COMMD1: variants seen among roughly 807,000 people sequenced by gnomAD.
COMMD1 encodes the protein copper metabolism domain containing 1.
Under a neutral mutation model 17.2 loss-of-function variants are expected in COMMD1, and 10 were observed. The ratio of observed to expected loss-of-function variants is 0.58; its 90% CI spans 0.36 to 0.99. The LOEUF (loss-of-function observed/expected upper bound fraction) is 0.99, where lower values mean the gene tolerates loss of function less well. COMMD1 is among the 50% of genes least tolerant of loss of function. COMMD1 has a pLI of 0.01. For synonymous variants in COMMD1, 97 were observed against 91.6 expected, an observed-to-expected ratio of 1.06 and a Z score of -0.34; for missense variants, 270 against 231.8, an observed-to-expected ratio of 1.17 and a Z score of -1.07.
rs145248760 is a variant in COMMD1, at chr2:62,094,186, G to A, written c.463-41645G>A. ...TTCACCTGGAAGGGGGAGCCGGGTA[G>A]CAGGGTCAAGAGTGTTACAGTGCTT... On this transcript the variant is annotated intron_variant, in intron 2 of 2. Transcript: ENST00000311832. 2.4e-4 allele frequency among the ~76,000 whole-genome samples: 37 copies of A among 152,290 alleles called. 1 individual carries two copies. Among genetic ancestry groups the A allele is most frequent in the African/African-American group, 8.9e-4 (37 of 41,548 alleles).
intron 2 of COMMD1, among the ~76,000 whole-genome samples, chr2:62,076,113 ACT>A (rs1353735643): frequency 2.0e-5 from 3 of 152,132 alleles, no homozygotes; most frequent in Non-Finnish European, 2.9e-5. Context: ...ATTTTCTCTG[ACT>A]CTGCCTGACT....
intron 1 of COMMD1, among the ~76,000 whole-genome samples, chr2:61,966,024 C>T (rs1180879716): frequency 6.6e-6 from 1 of 152,152 alleles, no homozygotes; most frequent in East Asian, 1.9e-4. Context: ...TGAGCACAGT[C>T]ATTTTCTATA....
chr2:62,038,217 G>A (rs993457086), intron 2 of COMMD1, among the ~76,000 whole-genome samples: 1 of 152,156 alleles, frequency 6.6e-6, no homozygotes, highest in Admixed American at 6.5e-5. Flanking sequence ...GAATCCAGGA[G>A]GCGGAGGTTG....
Position 62,001,773 on chromosome 2 carries a change from G to A in COMMD1, c.462+791G>A, listed in dbSNP as rs189676507. Among the ~76,000 whole-genome samples, 4 of 152,296 alleles carry A rather than the reference G, an allele frequency of 2.6e-5. No individual in the cohort carries two copies. In the East Asian group the frequency reaches 7.7e-4, roughly 29 times the overall value. On this transcript the variant is annotated intron_variant, in intron 2 of 2. Coordinates refer to ENST00000311832, the MANE Select transcript of COMMD1 (RefSeq NM_152516.4). Reference sequence around the variant, plus strand: ...TTATTTCTTACTTGATGAGCTGTCAGATTTTCTTACATATTTTCTTTTATA... The same window carrying A: ...TTATTTCTTACTTGATGAGCTGTCAAATTTTCTTACATATTTTCTTTTATA...
chr2:62,110,091 CG>C (rs933086840), intron 2 of COMMD1, among the ~76,000 whole-genome samples: 13 of 151,590 alleles, frequency 8.6e-5, no homozygotes, highest in South Asian at 2.1e-4. Flanking sequence ...CCTTTTCTGG[CG>C]GGGGTGGGAG....
chr2:62,110,981 G>A (rs1672440969), intron 2 of COMMD1, among the ~76,000 whole-genome samples: 1 of 152,088 alleles, frequency 6.6e-6, no homozygotes, highest in Non-Finnish European at 1.5e-5. Context: ...AGATGGCCAC[G>A]AAAAGCACCA....
At chr2:62,134,050 C>T (rs1222595150) in intron 2 of COMMD1, among the ~76,000 whole-genome samples, 1 of 152,180 alleles carries the variant, frequency 6.6e-6, no homozygotes, top group Non-Finnish European at 1.5e-5. Context: ...GATCCTCCTG[C>T]GTCAGCCTCC....
Position 62,029,702 on chromosome 2 carries a change from T to C in COMMD1, c.462+28720T>C, listed in dbSNP as rs368517334. Among the ~76,000 whole-genome samples, 3 of 152,250 alleles carry C rather than the reference T, an allele frequency of 2.0e-5. No individual in the cohort carries two copies. In the East Asian group the frequency reaches 5.8e-4, roughly 29 times the overall value. ...TTTGCTGATTGCATCCCCATGAAGT[T>C]CTGTAGCATGTTTCTCTGACACCTG... On this transcript the variant is annotated intron_variant, in intron 2 of 2. Coordinates refer to ENST00000311832, the MANE Select transcript of COMMD1 (RefSeq NM_152516.4).
chr2:61,967,319 GTTAA>G lies in COMMD1; in HGVS notation c.181-33379_181-33376del, dbSNP rs566518283. On this transcript the variant is annotated intron_variant, in intron 1 of 2. Coordinates refer to ENST00000311832, the MANE Select transcript of COMMD1 (RefSeq NM_152516.4). ...ACATACAATCCGATTATTTTATTAGGTTAATTGACATAAAAATAGTCATTTTTCC... is the reference window on the plus strand; with the variant it reads ...ACATACAATCCGATTATTTTATTAGGTTGACATAAAAATAGTCATTTTTCC... Among the ~76,000 whole-genome samples, 13 of 152,138 alleles carry G rather than the reference GTTAA, an allele frequency of 8.5e-5. No individual in the cohort carries two copies. In the East Asian group the frequency reaches 1.2e-3, roughly 14 times the overall value.
At chr2:62,102,053 C>G (rs922803318) in intron 2 of COMMD1, among the ~76,000 whole-genome samples, 3 of 152,178 alleles carry the variant, frequency 2.0e-5, no homozygotes, top group Non-Finnish European at 4.4e-5. Context: ...CCCCAGCCAC[C>G]ACTCATCTCA....
intron 2 of COMMD1, among the ~76,000 whole-genome samples, chr2:62,109,665 C>A (rs924979592): frequency 3.3e-5 from 5 of 152,098 alleles, no homozygotes; most frequent in Admixed American, 6.5e-5. Context: ...TGGTCTTGTG[C>A]TTTGTAATTT....
chr2:61,925,014 C>T (rs966894861), intron 1 of COMMD1, among the ~76,000 whole-genome samples: 13 of 152,140 alleles, frequency 8.5e-5, no homozygotes, highest in South Asian at 2.1e-4. Flanking sequence ...GAGAGACAGA[C>T]GGTCAAGGGT....
chr2:62,012,623 G>T (rs1669316300), intron 2 of COMMD1, among the ~76,000 whole-genome samples: 2 of 151,990 alleles, frequency 1.3e-5, no homozygotes, highest in Admixed American at 6.6e-5. Context: ...CGGCCCCTTT[G>T]GCAGTGATTT....
chr2:61,923,478 A>T (rs1286864842), intron 1 of COMMD1, among the ~76,000 whole-genome samples: 1 of 152,088 alleles, frequency 6.6e-6, no homozygotes, highest in African/African-American at 2.4e-5. Context: ...ATAGGATATA[A>T]CAGTTACTAG....
intron 1 of COMMD1, among the ~76,000 whole-genome samples, chr2:61,933,923 C>A (rs1273679088): frequency 6.6e-6 from 1 of 152,024 alleles, no homozygotes. Flanking sequence ...GCCACAATAC[C>A]TGGCTAATTT....
At chr2:61,952,467 C>A (rs571695687) in intron 1 of COMMD1, among the ~76,000 whole-genome samples, 22 of 152,196 alleles carry the variant, frequency 1.4e-4, no homozygotes, top group African/African-American at 5.3e-4. Flanking sequence ...TTTCTGGCAA[C>A]CGACTGATCC....
At chr2:62,050,687 CTT>C (rs1670511735) in intron 2 of COMMD1, among the ~76,000 whole-genome samples, 1 of 152,096 alleles carries the variant, frequency 6.6e-6, no homozygotes, top group Non-Finnish European at 1.5e-5. Flanking sequence ...TGTAAGCTGA[CTT>C]ATGTCATGTG....
At chr2:62,074,870 T>C (rs1255881484) in intron 2 of COMMD1, among the ~76,000 whole-genome samples, 1 of 151,534 alleles carries the variant, frequency 6.6e-6, no homozygotes, top group African/African-American at 2.4e-5. Flanking sequence ...TTGGTGCACA[T>C]TTTGTTTGTG....
intron 1 of COMMD1, among the ~76,000 whole-genome samples, chr2:61,929,879 C>T (rs1186160427): frequency 2.0e-5 from 3 of 151,848 alleles, no homozygotes; most frequent in Non-Finnish European, 2.9e-5. Context: ...AGCTAGTGAG[C>T]TGTGATTGTA....
Sources: gnomAD v4.1 joint callset for allele counts (sites outside exome capture counted in the v4.1 genomes callset) on GRCh38, gnomAD v4.1.1 for gene constraint, MANE v1.5 for transcripts, NCBI Gene and HGNC (gene_info 2026-07-23, HGNC 2026-07-21) for gene names.